The following PKHD1 variants were observed in gnomAD, a reference collection of about 807,000 sequenced individuals.
PKHD1 encodes PKHD1 ciliary IPT domain containing fibrocystin/polyductin, also known as fibrocystin.
In PKHD1, 291 loss-of-function variants were observed where a neutral mutation model predicts 412.0. The observed-to-expected ratio is 0.71, with a 90% CI of 0.64 to 0.78. The LOEUF is 0.78. PKHD1 is among the 30% of genes least tolerant of loss of function. The pLI is 0.00. For synonymous variants in PKHD1, 1,777 were observed against 1,821.5 expected (o/e 0.98, Z 0.62); for missense variants, 4,825 against 4,950.7 (o/e 0.97, Z 0.76).
intron 53 of PKHD1, among the ~76,000 whole-genome samples, chr6:51,781,847 C>G (rs1582657366): frequency 6.6e-6 from 1 of 151,908 alleles, no homozygotes; most frequent in African/African-American, 2.4e-5. Flanking sequence ...TAGCTAGACA[C>G]TAGACATTTC....
intron 54 of PKHD1, among the ~76,000 whole-genome samples, chr6:51,773,320 G>A (rs1185254435): frequency 2.0e-5 from 3 of 151,978 alleles, no homozygotes; most frequent in Admixed American, 6.6e-5. Context: ...GTTTATTTCA[G>A]ACTAATAAAT....
At chr6:52,049,189 G>T (rs1806356398) in intron 22 of PKHD1, among the ~76,000 whole-genome samples, 1 of 152,164 alleles carries the variant, frequency 6.6e-6, no homozygotes. Flanking sequence ...AAACCTAGAT[G>T]GTACAGCCTA....
chr6:51,627,155 T>C (rs1442206739), intron 65 of PKHD1, 39 bp from the exon 66 acceptor site: 1 of 1,523,600 alleles, frequency 6.6e-7, no homozygotes, highest in Non-Finnish European at 9.0e-7. Flanking sequence ...TTTTGTTCAG[T>C]TGTAAGTGGG....
intron 60 of PKHD1, among the ~76,000 whole-genome samples, chr6:51,703,645 T>C (rs1468784950): frequency 6.6e-6 from 1 of 152,010 alleles, no homozygotes; most frequent in Non-Finnish European, 1.5e-5. Flanking sequence ...CACATACTTA[T>C]TATCTAAATT....
At chr6:51,801,675 G>C (rs1762965395) in intron 52 of PKHD1, among the ~76,000 whole-genome samples, 1 of 151,478 alleles carries the variant, frequency 6.6e-6, no homozygotes, top group African/African-American at 2.4e-5. Context: ...GAGAGAGAGA[G>C]AGAGAGACAG....
At chr6:51,858,282 C>A (rs1301193656) in intron 48 of PKHD1, among the ~76,000 whole-genome samples, 5 of 152,134 alleles carry the variant, frequency 3.3e-5, no homozygotes, top group African/African-American at 1.2e-4. Flanking sequence ...CTTAGAATTT[C>A]TAGCCATTTG....
intron 60 of PKHD1, among the ~76,000 whole-genome samples, chr6:51,666,566 A>G (rs929152949): frequency 6.6e-6 from 1 of 152,046 alleles, no homozygotes; most frequent in Non-Finnish European, 1.5e-5. Flanking sequence ...TTATTATAAT[A>G]CTTTAAGTTT....
chr6:51,673,359 A>G (rs1242863318), intron 60 of PKHD1, among the ~76,000 whole-genome samples: 1 of 152,230 alleles, frequency 6.6e-6, no homozygotes, highest in African/African-American at 2.4e-5. Context: ...TGCCAACAGC[A>G]TTAATCAAAG....
At chr6:51,845,963 G>A (rs1370935430) in intron 50 of PKHD1, among the ~76,000 whole-genome samples, 2 of 152,142 alleles carry the variant, frequency 1.3e-5, no homozygotes, top group Non-Finnish European at 2.9e-5. Flanking sequence ...GAGCAATTCA[G>A]ATTAAAATTT....
intron 52 of PKHD1, among the ~76,000 whole-genome samples, chr6:51,827,358 T>C (rs1374864179): frequency 1.1e-4 from 16 of 152,158 alleles, no homozygotes; most frequent in Admixed American, 6.6e-5. Flanking sequence ...GTTGGTCATG[T>C]GCACTGATGT....
Position 51,618,927 on chromosome 6 carries a change from G to C in PKHD1, c.*154C>G, listed in dbSNP as rs1036832833. Reference sequence around the variant, plus strand: ...TTTTTCAGTCTGTAAGCATTTATATGACTGTTTTCCATTTTAAAGTTGAAA... The same window carrying C: ...TTTTTCAGTCTGTAAGCATTTATATCACTGTTTTCCATTTTAAAGTTGAAA... On this transcript the variant is annotated 3_prime_UTR_variant, in exon 67 of 67. Transcript: ENST00000371117. 7 of 736,182 alleles carry C rather than the reference G, an allele frequency of 9.5e-6. No homozygotes were observed. The allele number at this position is 736,182 out of a possible 1,614,324, so 45.6% of individuals were successfully genotyped here.
intron 64 of PKHD1, among the ~76,000 whole-genome samples, chr6:51,637,936 T>G (rs1008265533): frequency 2.0e-5 from 3 of 152,074 alleles, no homozygotes; most frequent in Non-Finnish European, 2.9e-5. Context: ...AACTTGGAAT[T>G]AAAGGAAAAA....
intron 52 of PKHD1, among the ~76,000 whole-genome samples, chr6:51,820,597 T>C (rs1766234526): frequency 6.6e-6 from 1 of 152,198 alleles, no homozygotes; most frequent in Non-Finnish European, 1.5e-5. Flanking sequence ...CTTTATTTTA[T>C]GTATCAAAAA....
intron 34 of PKHD1, among the ~76,000 whole-genome samples, chr6:52,014,166 C>T (rs1800162181): frequency 6.6e-6 from 1 of 152,218 alleles, no homozygotes; most frequent in Admixed American, 6.5e-5. Context: ...CTCCCACCCT[C>T]CTAGCCTCTG....
At chr6:51,787,689 G>C (rs1793108019) in intron 53 of PKHD1, among the ~76,000 whole-genome samples, 1 of 152,182 alleles carries the variant, frequency 6.6e-6, no homozygotes, top group South Asian at 2.1e-4. Flanking sequence ...GTGATGGGTA[G>C]AAAATAGAAT....
chr6:51,853,369 CTGATAATTATA>C lies in PKHD1; in HGVS notation c.7911+2513_7911+2523del, dbSNP rs371766505. Among the ~76,000 whole-genome samples, 390 of 152,258 alleles carry C rather than the reference CTGATAATTATA, an allele frequency of 2.6e-3. 2 individuals are homozygous for C. The highest frequency in any genetic ancestry group is 8.4e-3 in the African/African-American group (348 of 41,560). On this transcript the variant is annotated intron_variant, in intron 49 of 66. Transcript: ENST00000371117. ...TTCCTTCATTTTGACCTTGGACAAT[CTGATAATTATA>C]TGTTGGTCTTCTCATGGAGTTGGGG...
chr6:51,765,397 G>C (rs1562261726), intron 55 of PKHD1, among the ~76,000 whole-genome samples: 1 of 152,022 alleles, frequency 6.6e-6, no homozygotes, highest in Non-Finnish European at 1.5e-5. Flanking sequence ...TTTCCCCTTT[G>C]ACCTCTTATA....
chr6:52,053,308 G>A (rs531454760), intron 20 of PKHD1, 57 bp from the exon 21 acceptor site: 96 of 1,566,790 alleles, frequency 6.1e-5, no homozygotes, highest in East Asian at 5.7e-4. Context: ...AGTCCTCTCC[G>A]GTTAGAGCCC....
chr6:51,671,964 G>A (rs1174053275), intron 60 of PKHD1, among the ~76,000 whole-genome samples: 2 of 152,094 alleles, frequency 1.3e-5, no homozygotes, highest in Admixed American at 6.5e-5. Context: ...TGTCAGACAG[G>A]GACATTTTCA....
Sources: gnomAD v4.1 joint callset for allele counts (sites outside exome capture counted in the v4.1 genomes callset) on GRCh38, gnomAD v4.1.1 for gene constraint, MANE v1.5 for transcripts, NCBI Gene and HGNC (gene_info 2026-07-23, HGNC 2026-07-21) for gene names.